Variants in RARB observed in about 807,000 individuals in gnomAD.
RARB encodes HBV-activated protein.
In RARB, 17 loss-of-function variants were observed where a neutral mutation model predicts 51.9. That is an observed-to-expected ratio of 0.33 (90% CI 0.22 to 0.49). The LOEUF is 0.49. Among genes scored for constraint, RARB ranks in the 20% least tolerant of loss-of-function variants. The pLI is 0.99. For synonymous variants in RARB, 215 were observed against 195.4 expected (o/e 1.10, Z -0.84); for missense variants, 369 against 550.8 (o/e 0.67, Z 3.30).
At chr3:25,289,733 G>A (rs1304733745) in intron 5 of RARB, among the ~76,000 whole-genome samples, 1 of 148,508 alleles carries the variant, frequency 6.7e-6, no homozygotes, top group African/African-American at 2.4e-5. Context: ...TGGGAGGAAG[G>A]CGAAGGATTT....
intron 5 of RARB, among the ~76,000 whole-genome samples, chr3:25,312,026 C>T (rs1704302257): frequency 6.6e-6 from 1 of 152,106 alleles, no homozygotes; most frequent in Non-Finnish European, 1.5e-5. Context: ...AAAATAAATG[C>T]TTATGTTCAA....
chr3:25,109,448 G>A (rs1699563204), intron 3 of RARB, among the ~76,000 whole-genome samples: 2 of 152,252 alleles, frequency 1.3e-5, no homozygotes, highest in South Asian at 4.1e-4. Flanking sequence ...AGTAGGAACT[G>A]TGATTAAATA....
intron 2 of RARB, among the ~76,000 whole-genome samples, chr3:25,468,853 T>G (rs1240500613): frequency 6.6e-6 from 1 of 152,182 alleles, no homozygotes; most frequent in Non-Finnish European, 1.5e-5. Flanking sequence ...TCTCTACATT[T>G]TGCCTTTGAT....
At chr3:25,090,868 G>T (rs76567770) in intron 3 of RARB, among the ~76,000 whole-genome samples, 2,042 of 152,170 alleles carry the variant, frequency 0.013, 43 homozygotes, top group African/African-American at 0.047. Context: ...TTTTCATGTG[G>T]GGGAAAGAGA....
chr3:25,463,272 C>T (rs1446260579), intron 2 of RARB, among the ~76,000 whole-genome samples: 1 of 152,162 alleles, frequency 6.6e-6, no homozygotes, highest in Non-Finnish European at 1.5e-5. Context: ...GACCACTGTA[C>T]TGCATGTCTG....
chr3:25,371,994 C>T (rs1471774716), intron 5 of RARB, among the ~76,000 whole-genome samples: 1 of 151,990 alleles, frequency 6.6e-6, no homozygotes, highest in Non-Finnish European at 1.5e-5. Context: ...CAGCTGCCAC[C>T]GATAGTCTTA....
chr3:25,039,558 G>A (rs1354365682), intron 2 of RARB, among the ~76,000 whole-genome samples: 2 of 152,134 alleles, frequency 1.3e-5, no homozygotes, highest in African/African-American at 4.8e-5. Context: ...AGTGGGGCAT[G>A]GGCATAACCG....
intron 2 of RARB, among the ~76,000 whole-genome samples, chr3:24,867,227 C>A (rs1468915562): frequency 6.6e-6 from 1 of 152,066 alleles, no homozygotes; most frequent in Admixed American, 6.6e-5. Context: ...ATTGGCCTTA[C>A]AAAGGTGGTT....
intron 3 of RARB, among the ~76,000 whole-genome samples, chr3:25,516,517 G>C (rs142538097): frequency 6.6e-6 from 1 of 152,052 alleles, no homozygotes; most frequent in African/African-American, 2.4e-5. Context: ...ACTGGCTTAG[G>C]GAAGTTAACA....
At chr3:25,145,763 C>T (rs1020724803) in intron 4 of RARB, among the ~76,000 whole-genome samples, 1 of 152,044 alleles carries the variant, frequency 6.6e-6, no homozygotes, top group Non-Finnish European at 1.5e-5. Context: ...AATCCTAGCA[C>T]TTTGGGTGGC....
chr3:25,056,848 C>A (rs1698451801), intron 2 of RARB, among the ~76,000 whole-genome samples: 1 of 152,042 alleles, frequency 6.6e-6, no homozygotes, highest in South Asian at 2.1e-4. Flanking sequence ...TTCCTTTGCC[C>A]CTCCTTAGAA....
At chr3:25,195,465 C>T (rs1004894176) in intron 5 of RARB, among the ~76,000 whole-genome samples, 9 of 152,002 alleles carry the variant, frequency 5.9e-5, no homozygotes, top group Non-Finnish European at 1.0e-4. Context: ...AAAAATAGCA[C>T]GTGACGTCAG....
Position 25,580,539 on chromosome 3 carries a change from C to G in RARB, c.610-7C>G, listed in dbSNP as rs1247803396. The stretch of plus-strand genomic sequence containing the variant: ...CTGTATCTGATGACATTTTCTCTCT[C>G]TCCTAGAATTCCAGTGCTGACCATC... On this transcript the variant is annotated splice_polypyrimidine_tract_variant and splice_region_variant and intron_variant, in intron 4 of 7. Transcript: ENST00000330688. 2 of 1,575,884 alleles carry G rather than the reference C, an allele frequency of 1.3e-6. No individual in the cohort carries two copies. The highest frequency in any genetic ancestry group is 3.4e-5 in the Admixed American group (2 of 59,226).
At chr3:25,563,025 G>T (rs1206669829) in intron 3 of RARB, among the ~76,000 whole-genome samples, 1 of 152,204 alleles carries the variant, frequency 6.6e-6, no homozygotes, top group African/African-American at 2.4e-5. Context: ...TAAGCTGGAA[G>T]ATCATATTAA....
chr3:25,405,301 T>A (rs978040573), intron 5 of RARB, among the ~76,000 whole-genome samples: 1 of 152,184 alleles, frequency 6.6e-6, no homozygotes, highest in Non-Finnish European at 1.5e-5. Flanking sequence ...GGAGGATTGC[T>A]TGAGGCCAGG....
chr3:25,550,191 C>T (rs1699789462), intron 3 of RARB, among the ~76,000 whole-genome samples: 1 of 152,132 alleles, frequency 6.6e-6, no homozygotes, highest in Non-Finnish European at 1.5e-5. Flanking sequence ...AGATACTTGG[C>T]AGTAAAATCT....
intron 5 of RARB, among the ~76,000 whole-genome samples, chr3:25,270,925 G>A (rs768207414): frequency 1.1e-4 from 16 of 152,186 alleles, no homozygotes; most frequent in Admixed American, 3.3e-4. Flanking sequence ...TTTTGTGTCG[G>A]GGCTTAAGCC....
chr3:25,440,749 G>C (rs930150303), intron 1 of RARB, among the ~76,000 whole-genome samples: 1 of 151,918 alleles, frequency 6.6e-6, no homozygotes, highest in Non-Finnish European at 1.5e-5. Context: ...CTCCAGTCTG[G>C]ATGACAGAGT....
At chr3:25,307,284 A>G (rs1174949606) in intron 5 of RARB, among the ~76,000 whole-genome samples, 2 of 151,936 alleles carry the variant, frequency 1.3e-5, no homozygotes, top group Non-Finnish European at 2.9e-5. Context: ...CTGCCCAGGA[A>G]GCTGAGGCAC....
Sources: allele counts gnomAD v4.1 joint callset (sites outside exome capture counted in the v4.1 genomes callset), GRCh38; gene constraint gnomAD v4.1.1; transcripts MANE v1.5; gene names NCBI Gene and HGNC (gene_info 2026-07-23, HGNC 2026-07-21).